The following ANKS1B variants were observed in gnomAD, a reference collection of about 807,000 sequenced individuals.
ANKS1B encodes the protein ankyrin repeat and sterile alpha motif domain containing 1B, also known as ankyrin repeat and sterile alpha motif domain-containing protein 1B.
In ANKS1B, 36 loss-of-function variants were observed where a neutral mutation model predicts 148.3. That is an observed-to-expected ratio of 0.24 (90% CI 0.19 to 0.32). The LOEUF (loss-of-function observed/expected upper bound fraction) is 0.32, where lower values mean the gene tolerates loss of function less well. ANKS1B is among the 10% of genes least tolerant of loss of function. ANKS1B has a pLI of 1.00. For synonymous variants in ANKS1B, 542 were observed against 560.8 expected (o/e 0.97, Z 0.47); for missense variants, 1,157 against 1,542.6 (o/e 0.75, Z 4.19).
chr12:99,888,032 C>T (rs1475733529), intron 1 of ANKS1B, among the ~76,000 whole-genome samples: 1 of 152,146 alleles, frequency 6.6e-6, no homozygotes, highest in Non-Finnish European at 1.5e-5. Flanking sequence ...AGAATTCATC[C>T]AAGAAACAGA....
intron 12 of ANKS1B, among the ~76,000 whole-genome samples, chr12:99,332,291 T>C (rs944761407): frequency 6.6e-6 from 1 of 152,020 alleles, no homozygotes. Flanking sequence ...CTACAACATA[T>C]ACGATGTGCT....
At chr12:99,534,339 TAC>T (rs1386193040) in intron 9 of ANKS1B, among the ~76,000 whole-genome samples, 9 of 152,242 alleles carry the variant, frequency 5.9e-5, no homozygotes, top group African/African-American at 9.6e-5. Flanking sequence ...TTATACAAAT[TAC>T]AGTCACCACT....
intron 17 of ANKS1B, among the ~76,000 whole-genome samples, chr12:98,890,507 AT>A (rs1328062349): frequency 2.6e-5 from 4 of 152,142 alleles, no homozygotes; most frequent in Non-Finnish European, 4.4e-5. Flanking sequence ...GAACTGGCTT[AT>A]TTTTACAGTT....
At chr12:99,143,453 C>G (rs981149971) in intron 15 of ANKS1B, among the ~76,000 whole-genome samples, 1 of 152,064 alleles carries the variant, frequency 6.6e-6, no homozygotes, top group Non-Finnish European at 1.5e-5. Context: ...GAAATGAAGT[C>G]AGGGAGACGC....
At chr12:99,794,991 A>T (rs942435753) in intron 4 of ANKS1B, among the ~76,000 whole-genome samples, 2 of 151,916 alleles carry the variant, frequency 1.3e-5, no homozygotes, top group Non-Finnish European at 2.9e-5. Flanking sequence ...TACATTTAAA[A>T]TTTTTTAAAT....
At chr12:98,896,355 T>TA (rs1279586470) in intron 17 of ANKS1B, among the ~76,000 whole-genome samples, 1 of 152,228 alleles carries the variant, frequency 6.6e-6, no homozygotes, top group Non-Finnish European at 1.5e-5. Context: ...ACTGAGCACT[T>TA]ACGATTTTCC....
intron 12 of ANKS1B, among the ~76,000 whole-genome samples, chr12:99,318,310 T>TG (rs2084554470): frequency 6.6e-6 from 1 of 152,190 alleles, no homozygotes; most frequent in African/African-American, 2.4e-5. Context: ...TTTTTTTGGT[T>TG]GGTAGGCTAT....
At chr12:98,882,702 G>A (rs1187565448) in intron 17 of ANKS1B, among the ~76,000 whole-genome samples, 1 of 151,390 alleles carries the variant, frequency 6.6e-6, no homozygotes, top group Non-Finnish European at 1.5e-5. Context: ...AGATAAAGCT[G>A]TAGAGATCTC....
intron 15 of ANKS1B, among the ~76,000 whole-genome samples, chr12:99,121,978 G>T (rs968508274): frequency 6.6e-6 from 1 of 152,126 alleles, no homozygotes; most frequent in African/African-American, 2.4e-5. Context: ...AAGCACTCTG[G>T]ATTCTGCAGG....
chr12:99,921,903 A>G (rs2094365502), intron 1 of ANKS1B, among the ~76,000 whole-genome samples: 1 of 152,142 alleles, frequency 6.6e-6, no homozygotes, highest in Non-Finnish European at 1.5e-5. Flanking sequence ...AATCTCTTAG[A>G]CAAGTATAAT....
intron 9 of ANKS1B, among the ~76,000 whole-genome samples, chr12:99,527,413 T>C (rs1391644628): frequency 6.6e-6 from 1 of 152,222 alleles, no homozygotes; most frequent in Non-Finnish European, 1.5e-5. Context: ...ATTGTTGCTG[T>C]AAACAGGCAA....
chr12:99,947,732 G>C (rs2095105776), intron 1 of ANKS1B, among the ~76,000 whole-genome samples: 1 of 152,098 alleles, frequency 6.6e-6, no homozygotes, highest in South Asian at 2.1e-4. Flanking sequence ...ACCAAACTGG[G>C]CTCTTATCTG....
intron 9 of ANKS1B, among the ~76,000 whole-genome samples, chr12:99,616,320 C>T (rs2097959740): frequency 6.6e-6 from 1 of 152,104 alleles, no homozygotes; most frequent in Non-Finnish European, 1.5e-5. Context: ...CACAAAAGAG[C>T]CTGCGTAGCC....
At chr12:99,847,356 C>T (rs1315329846) in intron 1 of ANKS1B, among the ~76,000 whole-genome samples, 3 of 152,122 alleles carry the variant, frequency 2.0e-5, no homozygotes, top group Non-Finnish European at 1.5e-5. Flanking sequence ...TTCCTCTTCC[C>T]CAAGGCAAGT....
chr12:99,769,012 C>CT (rs11431790), intron 8 of ANKS1B, among the ~76,000 whole-genome samples: 37,581 of 146,484 alleles, frequency 0.26, 4,955 homozygotes, highest in African/African-American at 0.31. Flanking sequence ...GAAATAAATG[C>CT]TTTTTTTTTT....
chr12:99,758,967 A>G (rs142339199), intron 8 of ANKS1B, among the ~76,000 whole-genome samples: 2 of 152,048 alleles, frequency 1.3e-5, no homozygotes, highest in African/African-American at 4.8e-5. Context: ...AGGAAAAGAT[A>G]TAACATGTCA....
chr12:99,544,368 G>T (rs2153138094), intron 9 of ANKS1B, among the ~76,000 whole-genome samples: 1 of 152,252 alleles, frequency 6.6e-6, no homozygotes, highest in African/African-American at 2.4e-5. Context: ...TTCTGGAGCA[G>T]GTTTGAAGTC....
At chr12:99,777,962 G>C (rs1158713488) in intron 6 of ANKS1B, among the ~76,000 whole-genome samples, 1 of 151,394 alleles carries the variant, frequency 6.6e-6, no homozygotes, top group Non-Finnish European at 1.5e-5. Flanking sequence ...ATTTTGGGAG[G>C]CCAAGGCGGG....
intron 9 of ANKS1B, among the ~76,000 whole-genome samples, chr12:99,606,199 A>G (rs1597979264): frequency 1.3e-5 from 2 of 151,616 alleles, no homozygotes; most frequent in African/African-American, 4.8e-5. Flanking sequence ...CTTTTTTCCT[A>G]TTGAGTTGTC....
Sources: allele counts gnomAD v4.1 joint callset (sites outside exome capture counted in the v4.1 genomes callset), GRCh38; gene constraint gnomAD v4.1.1; transcripts MANE v1.5; gene names NCBI Gene and HGNC (gene_info 2026-07-23, HGNC 2026-07-21).